RALGAPA1: variants seen among roughly 807,000 people sequenced by gnomAD.
The protein encoded by RALGAPA1 is ral GTPase-activating protein subunit alpha-1.
A neutral mutation model predicts 269.6 loss-of-function variants in RALGAPA1; 52 were observed. The observed-to-expected ratio is 0.19, with a 90% CI of 0.15 to 0.24. The LOEUF is 0.24. RALGAPA1 is among the 10% of genes least tolerant of loss of function. The pLI is 1.00. For missense variants in RALGAPA1, 1,917 were observed against 3,013.9 expected (o/e 0.64, Z 8.52); for synonymous variants, 817 against 1,008.3 (o/e 0.81, Z 3.60).
At chr14:35,566,911 C>CTATA (rs970876498) in intron 39 of RALGAPA1, among the ~76,000 whole-genome samples, 1 of 146,856 alleles carries the variant, frequency 6.8e-6, no homozygotes. Flanking sequence ...TATATTTGTA[C>CTATA]TATATATATA....
intron 17 of RALGAPA1, among the ~76,000 whole-genome samples, chr14:35,694,295 T>C (rs2066730299): frequency 6.6e-6 from 1 of 152,170 alleles, no homozygotes; most frequent in African/African-American, 2.4e-5. Flanking sequence ...TTATGGTCCC[T>C]AAATTCATAA....
intron 31 of RALGAPA1, among the ~76,000 whole-genome samples, chr14:35,649,955 C>T (rs866259674): frequency 1.2e-4 from 19 of 152,154 alleles, no homozygotes; most frequent in Middle Eastern, 6.8e-3. Context: ...ATATTAATAG[C>T]TAGACTTCTG....
At chr14:35,629,847 G>A (rs368455717) in intron 33 of RALGAPA1, among the ~76,000 whole-genome samples, 22 of 152,228 alleles carry the variant, frequency 1.4e-4, no homozygotes, top group Middle Eastern at 3.4e-3. Flanking sequence ...CCAATTTTAT[G>A]TGTTTAGTTT....
chr14:35,746,493 T>C (rs1376435435), intron 10 of RALGAPA1, among the ~76,000 whole-genome samples: 4 of 152,184 alleles, frequency 2.6e-5, no homozygotes, highest in South Asian at 2.1e-4. Context: ...AATGTACAGG[T>C]ATATCAAAAC....
At chr14:35,722,074 T>C (rs766808193) in intron 15 of RALGAPA1, among the ~76,000 whole-genome samples, 5 of 152,040 alleles carry the variant, frequency 3.3e-5, no homozygotes, top group Non-Finnish European at 7.4e-5. Context: ...CAATAAGCTA[T>C]TAGAAATTCT....
intron 22 of RALGAPA1, among the ~76,000 whole-genome samples, chr14:35,675,390 C>T (rs910769835): frequency 2.6e-5 from 4 of 152,208 alleles, no homozygotes; most frequent in African/African-American, 9.6e-5. Flanking sequence ...GTTGGCCAGA[C>T]TGGTCTCAAA....
chr14:35,805,929 C>G (rs1349453987), intron 1 of RALGAPA1, among the ~76,000 whole-genome samples: 1 of 152,002 alleles, frequency 6.6e-6, no homozygotes, highest in Non-Finnish European at 1.5e-5. Context: ...ACCTCGTGAT[C>G]CGCCCACCTC....
At chr14:35,548,468 GAGA>G (rs1485868535) in intron 41 of RALGAPA1, 37 bp downstream of exon 41, 8 of 1,465,660 alleles carry the variant, frequency 5.5e-6, no homozygotes, top group East Asian at 4.7e-5. Context: ...AAGGAAATGG[GAGA>G]AGAACAGAGG....
At chr14:35,664,807 T>C in intron 26 of RALGAPA1, 40 bp from the exon 27 acceptor site, 1 of 1,580,456 alleles carries the variant, frequency 6.3e-7, no homozygotes. Context: ...AATATATTGG[T>C]GTTATGAAAT....
intron 7 of RALGAPA1, among the ~76,000 whole-genome samples, chr14:35,755,336 G>C (rs114317386): frequency 0.016 from 2,373 of 152,234 alleles, 50 homozygotes; most frequent in African/African-American, 0.052. Context: ...CTGGGTTACA[G>C]AGCAAGACCT....
At chr14:35,711,692 GCCAC>G (rs1054657225) in intron 16 of RALGAPA1, among the ~76,000 whole-genome samples, 1 of 151,988 alleles carries the variant, frequency 6.6e-6, no homozygotes, top group African/African-American at 2.4e-5. Flanking sequence ...AGCAACTCCA[GCCAC>G]CTGGCCTCCC....
intron 36 of RALGAPA1, among the ~76,000 whole-genome samples, chr14:35,596,920 C>T (rs1401066511): frequency 6.6e-6 from 1 of 152,106 alleles, no homozygotes; most frequent in Non-Finnish European, 1.5e-5. Context: ...ACAGTACATG[C>T]ATATAAAACA....
intron 17 of RALGAPA1, among the ~76,000 whole-genome samples, chr14:35,697,375 C>A (rs2066987980): frequency 6.6e-6 from 1 of 151,358 alleles, no homozygotes; most frequent in Non-Finnish European, 1.5e-5. Context: ...GAGACGGAGT[C>A]TTGCTCTGTC....
intron 16 of RALGAPA1, among the ~76,000 whole-genome samples, chr14:35,704,247 A>G (rs1430025386): frequency 6.6e-6 from 1 of 152,188 alleles, no homozygotes; most frequent in African/African-American, 2.4e-5. Flanking sequence ...AAATGCAAGC[A>G]AGTTACACTG....
At chr14:35,569,750 G>C (rs2057017812) in intron 39 of RALGAPA1, among the ~76,000 whole-genome samples, 1 of 151,946 alleles carries the variant, frequency 6.6e-6, no homozygotes, top group South Asian at 2.1e-4. Flanking sequence ...AGTGTTTCCT[G>C]ACAACACCAC....
intron 21 of RALGAPA1, among the ~76,000 whole-genome samples, chr14:35,681,255 C>T (rs1236546381): frequency 6.6e-6 from 1 of 152,080 alleles, no homozygotes; most frequent in Non-Finnish European, 1.5e-5. Flanking sequence ...GAATTTTGTG[C>T]CTTCTAAACA....
chr14:35,712,280 T>C (rs1357064674), intron 16 of RALGAPA1, among the ~76,000 whole-genome samples: 2 of 151,808 alleles, frequency 1.3e-5, no homozygotes, highest in Admixed American at 1.3e-4. Flanking sequence ...GAAAATATTT[T>C]ATTTTATTTT....
At chr14:35,655,951 T>G in intron 28 of RALGAPA1, 36 bp from the exon 29 acceptor site, 1 of 1,611,796 alleles carries the variant, frequency 6.2e-7, no homozygotes, top group Non-Finnish European at 8.5e-7. Flanking sequence ...TTACATAAAA[T>G]GAAACCACCA....
At chr14:35,784,516 T>C (rs1188286553) in intron 1 of RALGAPA1, among the ~76,000 whole-genome samples, 1 of 152,160 alleles carries the variant, frequency 6.6e-6, no homozygotes, top group African/African-American at 2.4e-5. Context: ...TTTCTTTTCC[T>C]TTTTTGCTGA....
Sources: gnomAD v4.1 joint callset for allele counts (sites outside exome capture counted in the v4.1 genomes callset) on GRCh38, gnomAD v4.1.1 for gene constraint, MANE v1.5 for transcripts, NCBI Gene and HGNC (gene_info 2026-07-23, HGNC 2026-07-21) for gene names.